Variants in RPS6KA1 observed in about 807,000 individuals in gnomAD.
RPS6KA1 encodes ribosomal protein S6 kinase alpha-1.
RPS6KA1 carries 48 observed loss-of-function variants against 91.3 expected under a neutral mutation model. The observed-to-expected ratio is 0.53, with a 90% CI of 0.42 to 0.67. The LOEUF (loss-of-function observed/expected upper bound fraction) is 0.67, where lower values mean the gene tolerates loss of function less well. Among genes scored for constraint, RPS6KA1 ranks in the 30% least tolerant of loss-of-function variants. RPS6KA1 has a pLI of 0.00. For synonymous variants in RPS6KA1, 359 were observed against 384.7 expected, an observed-to-expected ratio of 0.93 and a Z score of 0.78; for missense variants, 719 against 960.5, an observed-to-expected ratio of 0.75 and a Z score of 3.32.
chr1:26,545,495 G>T (rs1275705813), intron 2 of RPS6KA1, among the ~76,000 whole-genome samples: 1 of 151,408 alleles, frequency 6.6e-6, no homozygotes, highest in African/African-American at 2.4e-5. Context: ...CCTGTTGGGT[G>T]CCTGCTTCTG....
chr1:26,530,104 C>A, intron 1 of RPS6KA1, 121 bp downstream of exon 1: 1 of 519,788 alleles, frequency 1.9e-6, no homozygotes, highest in South Asian at 7.3e-5. Context: ...GAGTGCCCTC[C>A]GATCTCTTGC....
At chr1:26,537,098 G>T in intron 2 of RPS6KA1, 129 bp downstream of exon 2, 1 of 922,260 alleles carries the variant, frequency 1.1e-6, no homozygotes, top group Non-Finnish European at 1.7e-6. Context: ...AGGGCCCACC[G>T]AATCCTTGTG....
chr1:26,545,093 G>A (rs999876721), intron 2 of RPS6KA1, among the ~76,000 whole-genome samples: 3 of 150,156 alleles, frequency 2.0e-5, no homozygotes, highest in Non-Finnish European at 4.4e-5. Context: ...TGTTGGGTGC[G>A]TGTCCTTATC....
In RPS6KA1 at chr1:26,529,803, G is replaced by A. The variant is rs1007848615; in HGVS notation, c.-118G>A. 1.3e-5 allele frequency: 9 copies of A among 710,072 alleles called. No individual in the cohort carries two copies. Among genetic ancestry groups the A allele is most frequent in the African/African-American group, 7.6e-5 (4 of 52,522 alleles). The allele number at this position is 710,072 out of a possible 1,614,324, so 44.0% of individuals were successfully genotyped here. A position where few individuals can be genotyped will look rare whatever the true frequency, so the allele number is the denominator to read the frequency against. On this transcript the variant is annotated 5_prime_UTR_variant, in exon 1 of 22. Coordinates refer to ENST00000374168, the MANE Select transcript of RPS6KA1 (RefSeq NM_002953.4). The surrounding 1 kb of genome is among the most constrained non-coding windows in gnomAD (Gnocchi z 4.2). ...GCGGCGGCGGCGGACGGCCCAGCCG[G>A]AGCGCGAGGGGCTCGGGGGGGCGCG...
intron 1 of RPS6KA1, among the ~76,000 whole-genome samples, chr1:26,534,250 C>T (rs2075890159): frequency 6.6e-6 from 1 of 152,198 alleles, no homozygotes; most frequent in Admixed American, 6.5e-5. Flanking sequence ...CTGCTCTGGC[C>T]TCCTTGCTGT....
chr1:26,554,537 G>T lies in RPS6KA1; in HGVS notation c.614-59G>T. On this transcript the variant is annotated intron_variant, in intron 8 of 21. Transcript: ENST00000374168. This position sits in a 1 kb window ranked among gnomAD's most constrained non-coding sequence, Gnocchi z 4.6. Reference sequence around the variant, plus strand: ...TGGGCACGGGGGTTGGGTGTGCAAAGGGTGGCAGCAAGGAAGGCAGGGGTC... The same window carrying T: ...TGGGCACGGGGGTTGGGTGTGCAAATGGTGGCAGCAAGGAAGGCAGGGGTC... 4 of 1,561,586 alleles carry T rather than the reference G, an allele frequency of 2.6e-6. No homozygotes were observed. The highest frequency in any genetic ancestry group is 3.5e-6 in the Non-Finnish European group (4 of 1,147,702).
rs1570442097 is a variant in RPS6KA1 at position 26,554,192 on chromosome 1, G to T, written c.576-22G>T. On this transcript the variant is annotated intron_variant, in intron 7 of 21. Transcript: ENST00000374168. This position sits in a 1 kb window ranked among gnomAD's most constrained non-coding sequence, Gnocchi z 4.6. ...CACACGGCCACAGCTGAGGGGCCCTGACCACTATTTCTCTATTACAGCATC... is the reference window on the plus strand; with the variant it reads ...CACACGGCCACAGCTGAGGGGCCCTTACCACTATTTCTCTATTACAGCATC... The T allele has an allele frequency of 6.4e-7, 1 of 1,552,366 alleles. No homozygotes were observed. The highest frequency in any genetic ancestry group is 8.7e-7 in the Non-Finnish European group (1 of 1,147,420).
intron 4 of RPS6KA1, among the ~76,000 whole-genome samples, chr1:26,549,050 C>T (rs575200252): frequency 6.6e-6 from 1 of 150,944 alleles, no homozygotes; most frequent in East Asian, 1.9e-4. Context: ...TTGGCCAGAT[C>T]TCCTAAGATA....
intron 4 of RPS6KA1, among the ~76,000 whole-genome samples, chr1:26,548,042 C>T (rs973286702): frequency 6.6e-6 from 1 of 152,138 alleles, no homozygotes; most frequent in East Asian, 1.9e-4. Context: ...GTGGTGTGCA[C>T]CTCTGATCCC....
rs2076053886 is a variant in RPS6KA1, at chr1:26,551,879, C to A, written c.468+156C>A. On this transcript the variant is annotated intron_variant, in intron 6 of 21. Coordinates refer to ENST00000374168, the MANE Select transcript of RPS6KA1 (RefSeq NM_002953.4). This position sits in a 1 kb window ranked among gnomAD's most constrained non-coding sequence, Gnocchi z 4.5. ...CCCCTGGCCCAGGAAATACCACGCA[C>A]CCTGGAATGGAGGCCATACGCTGGC... Among the ~76,000 whole-genome samples, 1 of 152,290 alleles carries A rather than the reference C, an allele frequency of 6.6e-6. No homozygotes were observed. Among genetic ancestry groups the A allele is most frequent in the Admixed American group, 6.5e-5 (1 of 15,306 alleles).
intron 20 of RPS6KA1, 58 bp downstream of exon 20, chr1:26,572,351 A>G (rs1027136772): frequency 1.8e-6 from 2 of 1,140,670 alleles, no homozygotes; most frequent in Non-Finnish European, 2.7e-6. Flanking sequence ...GTCCCATCCT[A>G]GGGCTTTTCA....
chr1:26,539,152 C>T (rs895504441), intron 2 of RPS6KA1, among the ~76,000 whole-genome samples: 1 of 152,202 alleles, frequency 6.6e-6, no homozygotes, highest in Non-Finnish European at 1.5e-5. Flanking sequence ...TGGGCAGAGA[C>T]GTATACCACC....
chr1:26,558,746 G>A lies in RPS6KA1; in HGVS notation c.1085-61G>A. On this transcript the variant is annotated intron_variant, in intron 13 of 21. Coordinates refer to ENST00000374168, the MANE Select transcript of RPS6KA1 (RefSeq NM_002953.4). The surrounding 1 kb of genome is among the most constrained non-coding windows in gnomAD (Gnocchi z 4.0). ...AGGCCCTGTGCTCCCCCTTTGCTGG[G>A]CTGCCTCAGGGTCGAGGGGACCTCC... 6.5e-7 allele frequency: 1 copy of A among 1,547,862 alleles called. No individual in the cohort carries two copies. The highest frequency in any genetic ancestry group is 1.8e-4 in the Middle Eastern group (1 of 5,698).
Position 26,554,077 on chromosome 1 carries a change from C to A in RPS6KA1, c.576-137C>A. The A allele has an allele frequency of 2.3e-6, 2 of 869,148 alleles. No individual in the cohort carries two copies. Among genetic ancestry groups the A allele is most frequent in the Non-Finnish European group, 3.5e-6 (2 of 566,234 alleles). 53.8% of individuals were successfully genotyped at this position (869,148 alleles called of 1,614,324 possible). On this transcript the variant is annotated intron_variant, in intron 7 of 21. Coordinates refer to ENST00000374168, the MANE Select transcript of RPS6KA1 (RefSeq NM_002953.4). This position sits in a 1 kb window ranked among gnomAD's most constrained non-coding sequence, Gnocchi z 4.6. ...CCTGCGTGGTACTGCTACCACCCTGCAACACCCGCCCAGTCATCAGAGAGA... is the reference window on the plus strand; with the variant it reads ...CCTGCGTGGTACTGCTACCACCCTGAAACACCCGCCCAGTCATCAGAGAGA...
chr1:26,529,763 A>G lies in RPS6KA1; in HGVS notation c.-158A>G. The G allele has an allele frequency of 2.9e-6, 1 of 341,722 alleles. No individual in the cohort carries two copies. Among genetic ancestry groups the G allele is most frequent in the Non-Finnish European group, 4.7e-6 (1 of 211,156 alleles). The allele number at this position is 341,722 out of a possible 1,614,324, so 21.2% of individuals were successfully genotyped here. A position where few individuals can be genotyped will look rare whatever the true frequency, so the allele number is the denominator to read the frequency against. ...GGCGCCGGGTGACGGAGGGAGCCGA[A>G]GTGCTAGTGCCGCGGCGGCGGCGGC... is the stretch of plus-strand genomic sequence containing the variant. On this transcript the variant is annotated 5_prime_UTR_variant, in exon 1 of 22. Transcript: ENST00000374168. This position sits in a 1 kb window ranked among gnomAD's most constrained non-coding sequence, Gnocchi z 4.2.
At chr1:26,564,867 G>C (rs2076185340) in intron 17 of RPS6KA1, among the ~76,000 whole-genome samples, 1 of 152,134 alleles carries the variant, frequency 6.6e-6, no homozygotes, top group African/African-American at 2.4e-5. Flanking sequence ...GAGAGTAAAT[G>C]TTTTTCCTTT....
chr1:26,537,244 A>G (rs2100577), intron 2 of RPS6KA1, among the ~76,000 whole-genome samples: 12,871 of 152,242 alleles, frequency 0.085, 1,797 homozygotes, highest in African/African-American at 0.29. Flanking sequence ...ATGCCCCTGC[A>G]GTTTATTTAC....
At chr1:26,552,012 G>A (rs967100956) in intron 6 of RPS6KA1, among the ~76,000 whole-genome samples, 3 of 152,234 alleles carry the variant, frequency 2.0e-5, no homozygotes, top group African/African-American at 7.2e-5. Context: ...GTGAAGATAG[G>A]GGAGAAGCCC....
Position 26,555,621 on chromosome 1 carries a change from G to A in RPS6KA1, c.912G>A (p.Arg304=). ...RALFKRNPAN[R]LGSGPDGAEE... is the part of the protein sequence containing the mutation. ...TGTTCAAGCGGAATCCTGCCAACCG[G>A]CTCGGTAAGCAGCCCCAGCTCAGGG... Residue 304 remains arginine (R), a synonymous_variant, in exon 11 of 22, where the codon CGG becomes CGA. Transcript: ENST00000374168. This position sits in a 1 kb window ranked among gnomAD's most constrained non-coding sequence, Gnocchi z 4.3. 1 of 1,591,416 alleles carries A rather than the reference G, an allele frequency of 6.3e-7. No homozygotes were observed.
Sources: allele counts gnomAD v4.1 joint callset (sites outside exome capture counted in the v4.1 genomes callset), GRCh38; gene constraint gnomAD v4.1.1; non-coding constraint Gnocchi (gnomAD v3.1); transcripts MANE v1.5; gene names NCBI Gene and HGNC (gene_info 2026-07-23, HGNC 2026-07-21).